Variants in CD274 observed in about 807,000 individuals in gnomAD.
The protein encoded by CD274 is CD274 molecule, also known as programmed cell death 1 ligand 1.
CD274 carries 8 observed loss-of-function variants against 30.1 expected under a neutral mutation model. The ratio of observed to expected loss-of-function variants is 0.27; its 90% CI spans 0.16 to 0.48. The LOEUF (loss-of-function observed/expected upper bound fraction) is 0.48, where lower values mean the gene tolerates loss of function less well. CD274 is among the 20% of genes least tolerant of loss of function. CD274 has a pLI of 0.99. For missense variants in CD274, 353 were observed against 346.6 expected, an observed-to-expected ratio of 1.02 and a Z score of -0.15; for synonymous variants, 152 against 124.6, an observed-to-expected ratio of 1.22 and a Z score of -1.46.
chr9:5,450,750 A>G (rs7852887), intron 1 of CD274, among the ~76,000 whole-genome samples, 154 bp downstream of exon 1: 10,866 of 152,286 alleles, frequency 0.071, 459 homozygotes, highest in African/African-American at 0.12. Flanking sequence ...AGTAGAGCCA[A>G]TTACCTGTTG....
At chr9:5,466,893 A>C in intron 6 of CD274, 64 bp downstream of exon 6, 1 of 1,233,604 alleles carries the variant, frequency 8.1e-7, no homozygotes, top group Middle Eastern at 2.0e-4. Context: ...AAGCAATAAC[A>C]AAGAGAAATC....
rs373692552 is a variant in CD274 at position 5,457,117 on chromosome 9, G to C, written c.91G>C (p.Glu31Gln). 1.7e-5 allele frequency: 27 copies of C among 1,613,752 alleles called. No individual in the cohort carries two copies. In the African/African-American group the frequency reaches 3.1e-4, roughly 18 times the overall value. Residue 31 changes from glutamate (E) to glutamine (Q), a missense_variant, in exon 3 of 7, where the codon GAG becomes CAG. Transcript: ENST00000381577. ...VTVPKDLYVVEYGSNMTIECK... is the reference protein window; with the variant it reads ...VTVPKDLYVVQYGSNMTIECK... ...GGTTCCCAAGGACCTATATGTGGTA[G>C]AGTATGGTAGCAATATGACAATTGA...
In CD274 at chr9:5,462,953, C is replaced by T. The variant is rs752376007; in HGVS notation, c.514C>T (p.His172Tyr). Residue 172 changes from histidine (H) to tyrosine (Y), a missense_variant, in exon 4 of 7, where the codon CAT (histidine) becomes TAT (tyrosine). Physicochemically the swap from His to Tyr is moderately conservative, Grantham distance 83 (BLOSUM62 2). Coordinates refer to ENST00000381577, the MANE Select transcript of CD274 (RefSeq NM_014143.4). ...KAEVIWTSSD[H>Y]QVLSGKTTTT... ...CGAAGTCATCTGGACAAGCAGTGAC[C>T]ATCAAGTCCTGAGTGGTAAGACCAC... 1 of 1,614,044 alleles carries T rather than the reference C, an allele frequency of 6.2e-7. No homozygotes were observed. Among genetic ancestry groups the T allele is most frequent in the East Asian group, 2.2e-5 (1 of 44,884 alleles).
At chr9:5,453,897 C>T (rs1819251872) in intron 1 of CD274, among the ~76,000 whole-genome samples, 1 of 152,180 alleles carries the variant, frequency 6.6e-6, no homozygotes, top group Non-Finnish European at 1.5e-5. Flanking sequence ...AGCAGTCCTC[C>T]CTCAACCAGC....
At chr9:5,460,284 AG>A (rs2131218355) in intron 3 of CD274, among the ~76,000 whole-genome samples, 1 of 152,266 alleles carries the variant, frequency 6.6e-6, no homozygotes, top group South Asian at 2.1e-4. Flanking sequence ...CAGTAGTAAA[AG>A]GAGGAAGAGG....
intron 5 of CD274, 31 bp downstream of exon 5, chr9:5,465,637 C>A (rs780617203): frequency 1.1e-5 from 14 of 1,301,502 alleles, no homozygotes; most frequent in Non-Finnish European, 1.5e-5. Context: ...GTGGTCTCCA[C>A]TGGGGGTGAG....
At chr9:5,455,894 A>AG (rs2131208036) in intron 1 of CD274, among the ~76,000 whole-genome samples, 1 of 148,688 alleles carries the variant, frequency 6.7e-6, no homozygotes, top group African/African-American at 2.6e-5. Context: ...TCTTTTAGTA[A>AG]CTTTTTTCAC....
intron 3 of CD274, among the ~76,000 whole-genome samples, chr9:5,462,058 G>A (rs753937696): frequency 7.9e-5 from 12 of 152,240 alleles, no homozygotes; most frequent in Non-Finnish European, 1.3e-4. Flanking sequence ...AGGAAACCGG[G>A]TAAGGAGTAT....
chr9:5,451,353 C>T (rs1819199364), intron 1 of CD274, among the ~76,000 whole-genome samples: 1 of 152,126 alleles, frequency 6.6e-6, no homozygotes, highest in Admixed American at 6.5e-5. Context: ...TAATTCCTCA[C>T]TGTTGGGTAT....
chr9:5,455,677 G>A (rs1819288614), intron 1 of CD274, among the ~76,000 whole-genome samples: 1 of 152,130 alleles, frequency 6.6e-6, no homozygotes, highest in Admixed American at 6.5e-5. Context: ...GCTGTAGGGG[G>A]AAAAAGCATT....
chr9:5,466,892 C>T, intron 6 of CD274, 63 bp downstream of exon 6: 1 of 1,242,932 alleles, frequency 8.0e-7, no homozygotes. Flanking sequence ...AAAGCAATAA[C>T]AAAGAGAAAT....
At chr9:5,467,014 G>T (rs546236667) in intron 6 of CD274, among the ~76,000 whole-genome samples, 185 bp downstream of exon 6, 1 of 152,092 alleles carries the variant, frequency 6.6e-6, no homozygotes, top group African/African-American at 2.4e-5. Flanking sequence ...GGAAGGGGAA[G>T]GAGTCAGCTT....
At chr9:5,456,948 G>T (rs1042351884) in intron 2 of CD274, 131 bp from the exon 3 acceptor site, 1 of 635,372 alleles carries the variant, frequency 1.6e-6, no homozygotes. Flanking sequence ...GATAAAATAT[G>T]TGTTTAGCAA....
In CD274 at chr9:5,465,525, G is replaced by A. The variant is rs746369816; in HGVS notation, c.709G>A (p.Glu237Lys). 6 of 1,610,466 alleles carry A rather than the reference G, an allele frequency of 3.7e-6. No individual in the cohort carries two copies. The East Asian group carries it at 8.9e-5, about 24-fold the overall frequency. Residue 237 changes from glutamate to lysine, a missense_variant, in exon 5 of 7, where the codon GAA (glutamate) becomes AAA (lysine). Coordinates refer to ENST00000381577, the MANE Select transcript of CD274 (RefSeq NM_014143.4). Reference sequence around the variant, plus strand: ...ACTACCTCTGGCACATCCTCCAAATGAAAGGACTCACTTGGTAATTCTGGG... The same window carrying A: ...ACTACCTCTGGCACATCCTCCAAATAAAAGGACTCACTTGGTAATTCTGGG... ...PELPLAHPPN[E>K]RTHLVILGAI...
Position 5,465,722 on chromosome 9 carries a change from C to G in CD274, c.790+116C>G, listed in dbSNP as rs1052676872. On this transcript the variant is annotated intron_variant, in intron 5 of 6. Coordinates refer to ENST00000381577, the MANE Select transcript of CD274 (RefSeq NM_014143.4). ...TGCAAGGTGGTGCAAAGGCATTCCACTGTTCAACAGCAATTATATTGAAGC... is the reference window on the plus strand; with the variant it reads ...TGCAAGGTGGTGCAAAGGCATTCCAGTGTTCAACAGCAATTATATTGAAGC... 7 of 640,938 alleles carry G rather than the reference C, an allele frequency of 1.1e-5. No homozygotes were observed. The African/African-American group carries it at 1.3e-4, about 12-fold the overall frequency. The allele number at this position is 640,938 out of a possible 1,614,324, so 39.7% of individuals were successfully genotyped here.
intron 3 of CD274, among the ~76,000 whole-genome samples, chr9:5,459,958 T>C (rs1819375754): frequency 6.6e-6 from 1 of 151,850 alleles, no homozygotes; most frequent in African/African-American, 2.4e-5. Context: ...CTCTATCTAG[T>C]ATATTGTGTA....
chr9:5,463,563 C>T (rs1056012114), intron 4 of CD274, among the ~76,000 whole-genome samples: 2 of 152,224 alleles, frequency 1.3e-5, no homozygotes, highest in East Asian at 3.8e-4. Flanking sequence ...CTGCTTCCCT[C>T]TTTCCAGGGT....
At chr9:5,451,838 T>C (rs1819209315) in intron 1 of CD274, among the ~76,000 whole-genome samples, 1 of 152,050 alleles carries the variant, frequency 6.6e-6, no homozygotes, top group Non-Finnish European at 1.5e-5. Flanking sequence ...TTGATCCTAC[T>C]TAAGAATTTT....
intron 1 of CD274, among the ~76,000 whole-genome samples, chr9:5,452,356 C>T (rs1819222212): frequency 6.6e-6 from 1 of 152,190 alleles, no homozygotes. Context: ...ACCCATCCTA[C>T]CCTTGGAAGA....
Sources: gnomAD v4.1 joint callset for allele counts (sites outside exome capture counted in the v4.1 genomes callset) on GRCh38, gnomAD v4.1.1 for gene constraint, MANE v1.5 for transcripts, NCBI Gene and HGNC (gene_info 2026-07-23, HGNC 2026-07-21) for gene names.